The following RRAS2 variants were observed in gnomAD, a reference collection of about 807,000 sequenced individuals.
RRAS2 encodes the protein ras-related protein R-Ras2.
A neutral mutation model predicts 27.6 loss-of-function variants in RRAS2; 7 were observed. The ratio of observed to expected loss-of-function variants is 0.25; its 90% CI spans 0.14 to 0.48. The LOEUF (loss-of-function observed/expected upper bound fraction) is 0.48. Ranked by LOEUF, RRAS2 falls within the 20% of genes least tolerant of loss-of-function variation. The pLI is 0.99. For missense variants in RRAS2, 178 were observed against 256.2 expected (o/e 0.69, Z 2.08); for synonymous variants, 86 against 90.9 (o/e 0.95, Z 0.31).
intron 1 of RRAS2, among the ~76,000 whole-genome samples, chr11:14,343,847 A>T (rs1319958122): frequency 6.6e-6 from 1 of 151,770 alleles, no homozygotes; most frequent in Non-Finnish European, 1.5e-5. Context: ...AATAAATAAA[A>T]TAAAATAAAA....
rs554816648 is a variant in RRAS2, at chr11:14,285,626, G to A, written c.409-3906C>T. ...ATTTCTTGTAATGCAGATCTGCTGC[G>A]GATGAATTATCTCGCTTTTACATGT... On this transcript the variant is annotated intron_variant, in intron 4 of 5. Transcript: ENST00000256196. Among the ~76,000 whole-genome samples the A allele has an allele frequency of 5.9e-5, 9 of 152,130 alleles. No homozygotes were observed. The South Asian group carries it at 8.3e-4, about 14-fold the overall frequency.
upstream of RRAS2, among the ~76,000 whole-genome samples, chr11:14,360,653 G>A (rs545236232): frequency 6.6e-6 from 1 of 152,242 alleles, no homozygotes; most frequent in East Asian, 1.9e-4. Flanking sequence ...TGGGCGCAAT[G>A]GCTCATGCCT....
intron 1 of RRAS2, among the ~76,000 whole-genome samples, chr11:14,346,044 C>A (rs1260924904): frequency 6.6e-6 from 1 of 152,088 alleles, no homozygotes; most frequent in East Asian, 1.9e-4. Flanking sequence ...AGTTTTGTGG[C>A]CTTCTGAAAA....
rs2134047760 is a variant in RRAS2, at chr11:14,358,247, T to TAC, written c.108+514_108+515dup. On this transcript the variant is annotated intron_variant, in intron 1 of 5. Coordinates refer to ENST00000256196, the MANE Select transcript of RRAS2 (RefSeq NM_012250.6). This position sits in a 1 kb window ranked among gnomAD's most constrained non-coding sequence, Gnocchi z 5.1. ...AGAGCGTAACACACACACAAAGAAATACACAGTACTTGAAGCGGGCAGCTC... is the reference window on the plus strand; with the variant it reads ...AGAGCGTAACACACACACAAAGAAATACACACAGTACTTGAAGCGGGCAGCTC... 1.0e-6 allele frequency: 1 copy of TAC among 985,354 alleles called. No individual in the cohort carries two copies. The highest frequency in any genetic ancestry group is 1.1e-4 in the East Asian group (1 of 8,788). 61.0% of individuals were successfully genotyped at this position (985,354 alleles called of 1,614,324 possible).
intron 1 of RRAS2, among the ~76,000 whole-genome samples, chr11:14,331,502 A>G (rs1311665147): frequency 6.6e-6 from 1 of 152,090 alleles, no homozygotes; most frequent in Non-Finnish European, 1.5e-5. Context: ...TAGTTAACAA[A>G]ACAAGGTTAT....
intron 1 of RRAS2, among the ~76,000 whole-genome samples, chr11:14,347,146 G>C (rs1848852853): frequency 6.6e-6 from 1 of 152,150 alleles, no homozygotes; most frequent in African/African-American, 2.4e-5. Flanking sequence ...TTGGACAACA[G>C]AGCAAGACCC....
intron 4 of RRAS2, among the ~76,000 whole-genome samples, chr11:14,282,975 C>T (rs1554944545): frequency 6.6e-6 from 1 of 152,138 alleles, no homozygotes; most frequent in Non-Finnish European, 1.5e-5. Context: ...TAAGTGGTGA[C>T]GGGAATACTC....
chr11:14,290,947 G>A (rs1438940850), intron 4 of RRAS2, among the ~76,000 whole-genome samples: 1 of 152,218 alleles, frequency 6.6e-6, no homozygotes, highest in Non-Finnish European at 1.5e-5. Context: ...GAATGATCAT[G>A]CAGAAATGTT....
intron 1 of RRAS2, among the ~76,000 whole-genome samples, chr11:14,304,886 AT>A (rs779626776): frequency 2.6e-5 from 4 of 151,766 alleles, no homozygotes; most frequent in Non-Finnish European, 4.4e-5. Flanking sequence ...ATCCTCCCTT[AT>A]TTTTTTTGTC....
At chr11:14,318,998 G>A (rs1006855000) in intron 1 of RRAS2, among the ~76,000 whole-genome samples, 23 of 152,060 alleles carry the variant, frequency 1.5e-4, no homozygotes, top group African/African-American at 3.4e-4. Context: ...TCTTATTATC[G>A]TCTCCATCAT....
chr11:14,328,741 C>T (rs1187219377), intron 1 of RRAS2, among the ~76,000 whole-genome samples: 9 of 151,626 alleles, frequency 5.9e-5, no homozygotes, highest in South Asian at 2.1e-4. Flanking sequence ...CTCTGCTCAC[C>T]GCAACCTCCA....
chr11:14,342,221 A>G (rs1848726941), intron 1 of RRAS2: 2 of 160,832 alleles, frequency 1.2e-5, no homozygotes, highest in Non-Finnish European at 2.7e-5. Context: ...CCCCTCTAGT[A>G]AGTGTTGGCA....
chr11:14,296,000 C>T, intron 1 of RRAS2, 145 bp from the exon 2 acceptor site: 2 of 549,538 alleles, frequency 3.6e-6, no homozygotes, highest in East Asian at 3.2e-5. Flanking sequence ...CAGCAAGACT[C>T]TTATCTCTTA....
upstream of RRAS2, among the ~76,000 whole-genome samples, chr11:14,360,554 T>G (rs1849178438): frequency 6.7e-6 from 1 of 149,246 alleles, no homozygotes; most frequent in Non-Finnish European, 1.5e-5. Context: ...GCACATGCCA[T>G]CAAGATCAGG....
chr11:14,334,007 T>A (rs1848539556), intron 1 of RRAS2, among the ~76,000 whole-genome samples: 1 of 152,234 alleles, frequency 6.6e-6, no homozygotes, highest in Non-Finnish European at 1.5e-5. Context: ...ATTTAATCCA[T>A]CTTCATTATT....
intron 1 of RRAS2, among the ~76,000 whole-genome samples, chr11:14,348,994 C>T (rs1377827282): frequency 1.3e-5 from 2 of 152,150 alleles, no homozygotes; most frequent in African/African-American, 4.8e-5. Context: ...GAGATAGAGT[C>T]TCGCTCTGTT....
chr11:14,358,331 C>A lies in RRAS2; in HGVS notation c.108+432G>T. ...CGCGGAGCCGCGGCCAAGTTGCCAC[C>A]GCTATCGCCCCGACGGTGAAGGCGC... is the stretch of plus-strand genomic sequence containing the variant. On this transcript the variant is annotated intron_variant, in intron 1 of 5. Transcript: ENST00000256196. This position sits in a 1 kb window ranked among gnomAD's most constrained non-coding sequence, Gnocchi z 5.1. 1 of 985,574 alleles carries A rather than the reference C, an allele frequency of 1.0e-6. No homozygotes were observed. The highest frequency in any genetic ancestry group is 1.2e-6 in the Non-Finnish European group (1 of 830,046). 61.1% of individuals were successfully genotyped at this position (985,574 alleles called of 1,614,324 possible).
intron 1 of RRAS2, chr11:14,356,699 T>C: frequency 4.6e-6 from 2 of 432,656 alleles, no homozygotes; most frequent in Non-Finnish European, 9.1e-6. Flanking sequence ...CTTCCTTTAC[T>C]TCTTTAATAT....
intron 1 of RRAS2, among the ~76,000 whole-genome samples, chr11:14,350,408 C>T (rs1554954602): frequency 6.6e-6 from 1 of 152,176 alleles, no homozygotes; most frequent in Admixed American, 6.5e-5. Context: ...GCCTCCCCCA[C>T]TGGCTTGCTT....
Sources: allele counts gnomAD v4.1 joint callset (sites outside exome capture counted in the v4.1 genomes callset), GRCh38; gene constraint gnomAD v4.1.1; non-coding constraint Gnocchi (gnomAD v3.1); transcripts MANE v1.5; gene names NCBI Gene and HGNC (gene_info 2026-07-23, HGNC 2026-07-21).